Variants in NBPF3 observed in about 807,000 individuals in gnomAD.
NBPF3 encodes NBPF member 3.
A neutral mutation model predicts 78.1 loss-of-function variants in NBPF3; 57 were observed. That is an observed-to-expected ratio of 0.73 (90% confidence interval 0.59 to 0.91). The LOEUF (loss-of-function observed/expected upper bound fraction) is 0.91, where lower values mean the gene tolerates loss of function less well. Among genes scored for constraint, NBPF3 ranks in the 40% least tolerant of loss-of-function variants. The pLI is 0.00. For synonymous variants in NBPF3, 182 were observed against 271.7 expected, an observed-to-expected ratio of 0.67 and a Z score of 3.25; for missense variants, 510 against 715.3, an observed-to-expected ratio of 0.71 and a Z score of 3.27.
At chr1:21,454,262 A>G (rs902326228) in intron 2 of NBPF3, 1 of 152,244 alleles carries the variant, frequency 6.6e-6, no homozygotes, top group Non-Finnish European at 1.5e-5. Flanking sequence ...GTTCCTGCAC[A>G]TTAACTGATT....
chr1:21,471,517 C>G, intron 4 of NBPF3, 52 bp from the exon 5 acceptor site: 1 of 1,611,034 alleles, frequency 6.2e-7, no homozygotes, highest in Non-Finnish European at 8.5e-7. Flanking sequence ...AATATTAGAA[C>G]TGATCACTCA....
At chr1:21,455,244 T>C (rs1641533999) in intron 2 of NBPF3, among the ~76,000 whole-genome samples, 1 of 152,224 alleles carries the variant, frequency 6.6e-6, no homozygotes, top group Non-Finnish European at 1.5e-5. Flanking sequence ...TTTGACCGAT[T>C]TGGGATCTCG....
chr1:21,468,929 G>A (rs777062882), intron 3 of NBPF3, 32 bp downstream of exon 3: 55 of 1,497,396 alleles, frequency 3.7e-5, no homozygotes, highest in East Asian at 1.1e-4. Flanking sequence ...TCACAAAAGC[G>A]ATGAATGATG....
intron 9 of NBPF3, 119 bp from the exon 10 acceptor site, chr1:21,479,230 G>A (rs1570098467): frequency 9.0e-7 from 1 of 1,105,702 alleles, no homozygotes; most frequent in Non-Finnish European, 1.4e-6. Flanking sequence ...TTCTCTCAAA[G>A]TCTCCTATTC....
intron 2 of NBPF3, chr1:21,459,724 C>A: frequency 2.6e-6 from 1 of 383,426 alleles, no homozygotes. Flanking sequence ...ATGAAACTGC[C>A]ATGGACAGCT....
At chr1:21,443,591 A>G (rs1478047936) in intron 1 of NBPF3, among the ~76,000 whole-genome samples, 2 of 152,190 alleles carry the variant, frequency 1.3e-5, no homozygotes, top group African/African-American at 4.8e-5. Flanking sequence ...ATTCTACATA[A>G]TAGTTTTAGG....
At chr1:21,473,231 G>A in intron 6 of NBPF3, 149 bp from the exon 7 acceptor site, 1 of 1,000,066 alleles carries the variant, frequency 1.0e-6, no homozygotes, top group Non-Finnish European at 1.6e-6. Flanking sequence ...AGAGAGAAGA[G>A]GATTGCCTGT....
chr1:21,466,890 G>A (rs1461843631), intron 2 of NBPF3: 61 of 695,736 alleles, frequency 8.8e-5, no homozygotes, highest in Non-Finnish European at 1.1e-4. Flanking sequence ...TGCCTTGTAC[G>A]AATTGGTCAG....
rs575497760 is a variant in NBPF3, at chr1:21,469,115, G to A, written c.343+218G>A. Among the ~76,000 whole-genome samples, 9 of 152,318 alleles carry A rather than the reference G, an allele frequency of 5.9e-5. No homozygotes were observed. In the South Asian group the frequency reaches 1.7e-3, roughly 28 times the overall value. ...GCAGTCAGGTGGGGGTGGGCCTAGA[G>A]TTAAAATCGCAGTTATTCATTTGGG... On this transcript the variant is annotated intron_variant, in intron 3 of 14. Coordinates refer to ENST00000318249, the MANE Select transcript of NBPF3 (RefSeq NM_032264.6).
chr1:21,437,366 C>A, upstream of NBPF3: 1 of 630,114 alleles, frequency 1.6e-6, no homozygotes, highest in Non-Finnish European at 2.5e-6. Context: ...GGTGAGGGCT[C>A]AGAGGGTGGT....
intron 1 of NBPF3, 41 bp from the exon 2 acceptor site, chr1:21,444,907 A>C (rs1640875324): frequency 3.2e-6 from 2 of 619,254 alleles, no homozygotes; most frequent in Non-Finnish European, 5.4e-6. Flanking sequence ...CGAAGCCCCA[A>C]ATCTCAATGT....
intron 2 of NBPF3, among the ~76,000 whole-genome samples, chr1:21,449,454 C>T (rs1453009131): frequency 8.4e-6 from 1 of 118,730 alleles, no homozygotes; most frequent in Non-Finnish European, 1.8e-5. Flanking sequence ...AAGTAACGAA[C>T]CATCTTTATT....
intron 1 of NBPF3, chr1:21,442,216 C>T (rs1640694345): frequency 6.6e-6 from 1 of 152,048 alleles, no homozygotes; most frequent in Non-Finnish European, 1.5e-5. Flanking sequence ...TGGAGATTCT[C>T]TGTTTTTTTT....
chr1:21,471,955 A>G (rs536485545), intron 5 of NBPF3, among the ~76,000 whole-genome samples, 172 bp downstream of exon 5: 1 of 152,204 alleles, frequency 6.6e-6, no homozygotes, highest in Admixed American at 6.5e-5. Context: ...GAGGTGGGAA[A>G]CCGATTGGGT....
chr1:21,444,778 CA>C (rs1640865679), intron 1 of NBPF3, among the ~76,000 whole-genome samples, 169 bp from the exon 2 acceptor site: 1 of 152,056 alleles, frequency 6.6e-6, no homozygotes, highest in Non-Finnish European at 1.5e-5. Flanking sequence ...CCAGGCTGGT[CA>C]GGACTGTTGA....
At chr1:21,455,699 C>A (rs1641560778) in intron 2 of NBPF3, among the ~76,000 whole-genome samples, 1 of 152,194 alleles carries the variant, frequency 6.6e-6, no homozygotes, top group African/African-American at 2.4e-5. Flanking sequence ...ATCTGCAGGG[C>A]AGGGCACCAA....
Position 21,474,905 on chromosome 1 carries a change from GA to G in NBPF3, c.949del (p.Ser317ValfsTer57). 1 of 1,601,262 alleles carries G rather than the reference GA, an allele frequency of 6.2e-7. No individual in the cohort carries two copies. The highest frequency in any genetic ancestry group is 1.7e-4 in the Middle Eastern group (1 of 5,972). ...TTCTCTGAATTTATTTCCAGAAAAT[GA>G]AAGTGATCATGAGCAAGAGGAAGAA... ...LDAVCIIPEN[E>X]SDHEQEEEKG... On this transcript the variant is annotated frameshift_variant, in exon 8 of 15. Coordinates refer to ENST00000318249, the MANE Select transcript of NBPF3 (RefSeq NM_032264.6). LOFTEE classifies it high-confidence loss of function.
In NBPF3 at chr1:21,482,543, T is replaced by C. The variant is rs1311602095; in HGVS notation, c.1658+8T>C. 199 of 114,336 alleles carry C rather than the reference T, an allele frequency of 1.7e-3. No homozygotes were observed. Among genetic ancestry groups the C allele is most frequent in the South Asian group, 7.6e-3 (129 of 16,876 alleles). The allele number at this position is 114,336 out of a possible 1,614,324, so 7.1% of individuals were successfully genotyped here. On this transcript the variant is annotated splice_region_variant and intron_variant, in intron 14 of 14. Coordinates refer to ENST00000318249, the MANE Select transcript of NBPF3 (RefSeq NM_032264.6). ...AAAGCCACCATGCCCCAGGTAACTT[T>C]CAGCAATTGTGGTCGCTTAATTCTG...
chr1:21,454,588 C>T (rs1641494099), intron 2 of NBPF3, among the ~76,000 whole-genome samples: 1 of 152,140 alleles, frequency 6.6e-6, no homozygotes, highest in Admixed American at 6.5e-5. Context: ...AATGCAATAT[C>T]TTCTTCCTCT....
Sources: allele counts gnomAD v4.1 joint callset (sites outside exome capture counted in the v4.1 genomes callset), GRCh38; gene constraint gnomAD v4.1.1; transcripts MANE v1.5; gene names NCBI Gene and HGNC (gene_info 2026-07-23, HGNC 2026-07-21).